The following ERCC6L2 variants were observed in gnomAD, a reference collection of about 807,000 sequenced individuals.
ERCC6L2 encodes the protein DNA excision repair protein ERCC-6-like 2.
In ERCC6L2, 77 loss-of-function variants were observed where a neutral mutation model predicts 132.0. That is an observed-to-expected ratio of 0.58 (90% CI 0.49 to 0.71). ERCC6L2 has a LOEUF of 0.71. Ranked by LOEUF, ERCC6L2 falls within the 30% of genes least tolerant of loss-of-function variation. ERCC6L2 has a pLI of 0.00. For synonymous variants in ERCC6L2, 583 were observed against 632.4 expected, an observed-to-expected ratio of 0.92 and a Z score of 1.17; for missense variants, 1,542 against 1,837.6, an observed-to-expected ratio of 0.84 and a Z score of 2.94.
intron 1 of ERCC6L2, among the ~76,000 whole-genome samples, chr9:95,880,550 C>A (rs955107063): frequency 1.3e-5 from 2 of 152,074 alleles, no homozygotes; most frequent in Non-Finnish European, 2.9e-5. Flanking sequence ...AACCAGATGC[C>A]CGTGACCCCT....
At chr9:95,994,473 C>G (rs552172262) in intron 17 of ERCC6L2, among the ~76,000 whole-genome samples, 16 of 152,254 alleles carry the variant, frequency 1.1e-4, no homozygotes, top group African/African-American at 3.6e-4. Flanking sequence ...GCTCTTTGTT[C>G]TGTTTGCTCC....
intron 12 of ERCC6L2, among the ~76,000 whole-genome samples, chr9:95,951,023 ACTTTT>A (rs1299246651): frequency 6.6e-6 from 1 of 152,222 alleles, no homozygotes; most frequent in Non-Finnish European, 1.5e-5. Flanking sequence ...CAGAATACAT[ACTTTT>A]CTTAAGTACA....
At chr9:95,911,501 T>C (rs2132683430) in intron 4 of ERCC6L2, among the ~76,000 whole-genome samples, 1 of 152,218 alleles carries the variant, frequency 6.6e-6, no homozygotes, top group African/African-American at 2.4e-5. Flanking sequence ...ATAAATCATA[T>C]ATTTATAAGA....
intron 17 of ERCC6L2, among the ~76,000 whole-genome samples, chr9:95,988,951 CTTGT>C (rs1375065933): frequency 6.6e-6 from 1 of 152,180 alleles, no homozygotes; most frequent in Non-Finnish European, 1.5e-5. Context: ...CCTCCTGGGG[CTTGT>C]TTAATTTGCC....
Position 95,934,267 on chromosome 9 carries a change from T to C in ERCC6L2, c.1751+5403T>C, listed in dbSNP as rs148683051. ...ATACAGGATATGTAGATCAGATAGT[T>C]CAAAACATGAAAAGATCACAATTAT... On this transcript the variant is annotated intron_variant, in intron 11 of 18. Coordinates refer to ENST00000653738, the MANE Select transcript of ERCC6L2 (RefSeq NM_020207.7). Among the ~76,000 whole-genome samples the C allele has an allele frequency of 4.0e-3, 603 of 152,190 alleles. 2 individuals are homozygous for C. Among genetic ancestry groups the C allele is most frequent in the African/African-American group, 0.014 (575 of 41,544 alleles).
chr9:95,904,400 T>C (rs1828931605), intron 3 of ERCC6L2, among the ~76,000 whole-genome samples: 1 of 152,160 alleles, frequency 6.6e-6, no homozygotes, highest in African/African-American at 2.4e-5. Context: ...CTATATGAAG[T>C]ACTGAAGTTA....
chr9:95,924,843 T>C (rs1428241543), intron 9 of ERCC6L2, among the ~76,000 whole-genome samples: 1 of 152,184 alleles, frequency 6.6e-6, no homozygotes, highest in Non-Finnish European at 1.5e-5. Context: ...AGTATTTTTA[T>C]ATGTGAATGA....
chr9:96,014,549 G>A lies in ERCC6L2; in HGVS notation c.*1346G>A, dbSNP rs1034613257. 2 of 152,146 alleles carry A rather than the reference G, an allele frequency of 1.3e-5. No homozygotes were observed. Among genetic ancestry groups the A allele is most frequent in the Non-Finnish European group, 2.9e-5 (2 of 68,034 alleles). The allele number at this position is 152,146 out of a possible 1,614,324, so 9.4% of individuals were successfully genotyped here. ...CGTACATATATGATTGGAATAAAAT[G>A]TTTATGAAATATTTACTCATAAGCC... is the stretch of plus-strand genomic sequence containing the variant. On this transcript the variant is annotated 3_prime_UTR_variant, in exon 19 of 19. Transcript: ENST00000653738.
chr9:95,907,856 C>CAAACACACACACACACACACACACACA (rs869053572), intron 4 of ERCC6L2, among the ~76,000 whole-genome samples: 1 of 145,830 alleles, frequency 6.9e-6, no homozygotes, highest in Non-Finnish European at 1.5e-5. Context: ...CACACACACA[C>CAAACACACACACACACACACACACACA]CCCCACACCC....
intron 14 of ERCC6L2, chr9:95,968,648 T>C (rs531679920): frequency 6.3e-4 from 96 of 152,314 alleles, no homozygotes; most frequent in African/African-American, 2.3e-3. Flanking sequence ...TTTACACTTA[T>C]AATCTTATGA....
chr9:95,898,688 A>G (rs1564203730), intron 3 of ERCC6L2, among the ~76,000 whole-genome samples: 2 of 152,196 alleles, frequency 1.3e-5, no homozygotes, highest in Admixed American at 6.5e-5. Flanking sequence ...AAGAATAAAA[A>G]TGAAGTGATT....
At chr9:96,032,269 C>T (rs573125073) in intron 19 of ERCC6L2, among the ~76,000 whole-genome samples, 1 of 152,260 alleles carries the variant, frequency 6.6e-6, no homozygotes, top group Admixed American at 6.5e-5. Context: ...ACTGGAAACC[C>T]CCAGGAACGA....
chr9:95,990,620 G>C lies in ERCC6L2; in HGVS notation c.3492+12405G>C, dbSNP rs531534072. ...GCTGCTGGCCACTGCTCATAGGAGA[G>C]AGTGTACAAGCGAGCAAGCAAGTAT... On this transcript the variant is annotated intron_variant, in intron 17 of 18. Transcript: ENST00000653738. 2.6e-5 allele frequency among the ~76,000 whole-genome samples: 4 copies of C among 152,292 alleles called. No homozygotes were observed. In the East Asian group the frequency reaches 7.7e-4, roughly 29 times the overall value.
intron 14 of ERCC6L2, among the ~76,000 whole-genome samples, chr9:95,969,508 A>ATCT (rs1832317146): frequency 6.6e-6 from 1 of 152,116 alleles, no homozygotes; most frequent in Non-Finnish European, 1.5e-5. Flanking sequence ...AGTAAAAGAG[A>ATCT]AGAGTTAAGG....
chr9:95,900,166 G>A (rs577644285), intron 3 of ERCC6L2, among the ~76,000 whole-genome samples: 3 of 152,130 alleles, frequency 2.0e-5, no homozygotes, highest in Non-Finnish European at 2.9e-5. Context: ...CTGGAGGATC[G>A]CCCAGGAGTT....
At chr9:96,021,326 G>A (rs529895163), downstream of ERCC6L2, 42 of 329,312 alleles carry the variant, frequency 1.3e-4, no homozygotes, top group Admixed American at 1.1e-3. This position sits in a 1 kb window ranked among gnomAD's most constrained non-coding sequence, Gnocchi z 4.7. Context: ...TGGCTTGGCC[G>A]GCTGGAAACG....
intron 19 of ERCC6L2, among the ~76,000 whole-genome samples, chr9:96,035,564 G>C (rs1201643631): frequency 6.6e-6 from 1 of 152,158 alleles, no homozygotes; most frequent in African/African-American, 2.4e-5. Context: ...ACCCTCTCCA[G>C]GGACTCCTCT....
rs1564233399 is a variant in ERCC6L2, at chr9:95,928,763, T to C, written c.1650T>C (p.Asp550=). 6.2e-7 allele frequency: 1 copy of C among 1,613,446 alleles called. No individual in the cohort carries two copies. The highest frequency in any genetic ancestry group is 2.2e-5 in the East Asian group (1 of 44,796). The change falls in exon 11 of 19, where the codon GAT becomes GAC. Residue 550 remains aspartate (D), a synonymous_variant. Transcript: ENST00000653738. ...LQQYCMASGL[D]YRRLDGSTKS... The stretch of plus-strand genomic sequence containing the variant: ...AGTACTGTATGGCGTCTGGGCTTGA[T>C]TACCGACGACTTGATGGAAGTACAA...
At chr9:96,032,527 G>A (rs1021976434) in intron 19 of ERCC6L2, among the ~76,000 whole-genome samples, 5 of 152,134 alleles carry the variant, frequency 3.3e-5, no homozygotes, top group South Asian at 2.1e-4. Context: ...CCTCCCTGGC[G>A]CACCTGCTTC....
Sources: gnomAD v4.1 joint callset for allele counts (sites outside exome capture counted in the v4.1 genomes callset) on GRCh38, gnomAD v4.1.1 for gene constraint, Gnocchi (gnomAD v3.1) non-coding constraint, MANE v1.5 for transcripts, NCBI Gene and HGNC (gene_info 2026-07-23, HGNC 2026-07-21) for gene names.